KHDRBS1: variants seen among roughly 807,000 people sequenced by gnomAD.
KHDRBS1 encodes KH RNA binding domain containing, signal transduction associated 1.
In KHDRBS1, 7 loss-of-function variants were observed where a neutral mutation model predicts 48.4. The ratio of observed to expected loss-of-function variants is 0.14; its 90% confidence interval spans 0.08 to 0.27. KHDRBS1 has a LOEUF of 0.27. KHDRBS1 is among the 10% of genes least tolerant of loss of function. The pLI is 1.00. For synonymous variants in KHDRBS1, 241 were observed against 235.8 expected, an observed-to-expected ratio of 1.02 and a Z score of -0.20; for missense variants, 458 against 601.2, an observed-to-expected ratio of 0.76 and a Z score of 2.49.
chr1:32,021,510 C>T (rs999610551), intron 1 of KHDRBS1, among the ~76,000 whole-genome samples: 1 of 152,078 alleles, frequency 6.6e-6, no homozygotes, highest in Non-Finnish European at 1.5e-5. Flanking sequence ...TATGGGACTT[C>T]TGATTCCAAA....
intron 2 of KHDRBS1, among the ~76,000 whole-genome samples, chr1:32,030,625 A>G (rs1639063456): frequency 6.6e-6 from 1 of 152,228 alleles, no homozygotes; most frequent in South Asian, 2.1e-4. Flanking sequence ...GGAAGGAAAT[A>G]TAATCATCTT....
At chr1:32,030,472 A>G (rs571661849) in intron 2 of KHDRBS1, 50 bp downstream of exon 2, 8 of 1,534,148 alleles carry the variant, frequency 5.2e-6, no homozygotes, top group Admixed American at 2.0e-5. Context: ...TAGTTATGAG[A>G]GAGTCATGGG....
intron 3 of KHDRBS1, 30 bp downstream of exon 3, chr1:32,031,670 A>G: frequency 3.6e-6 from 5 of 1,376,876 alleles, no homozygotes; most frequent in African/African-American, 1.5e-5. Flanking sequence ...GCAAGAGGAC[A>G]TCCTAATGCC....
At chr1:32,049,913 A>G (rs1639397124) in intron 10 of KHDRBS1, among the ~76,000 whole-genome samples, 1 of 152,078 alleles carries the variant, frequency 6.6e-6, no homozygotes, top group Non-Finnish European at 1.5e-5. Context: ...CACCTGCCTC[A>G]GCCTCCCAAA....
chr1:32,033,405 G>A, intron 4 of KHDRBS1, 71 bp downstream of exon 4: 3 of 1,579,382 alleles, frequency 1.9e-6, no homozygotes, highest in African/African-American at 2.7e-5. Flanking sequence ...TGAAGGTAGG[G>A]GTTCTTAACT....
intron 10 of KHDRBS1, among the ~76,000 whole-genome samples, chr1:32,053,135 A>G (rs571824487): frequency 1.3e-5 from 2 of 152,322 alleles, no homozygotes; most frequent in East Asian, 3.9e-4. Context: ...CTTGGGTGAC[A>G]GCAAGACTCT....
chr1:32,032,264 A>G (rs1199270493), intron 3 of KHDRBS1, among the ~76,000 whole-genome samples: 8 of 152,172 alleles, frequency 5.3e-5, no homozygotes. Flanking sequence ...ACCTTATTTG[A>G]TGAGATATTC....
At position 32,013,929 on chromosome 1, in the gene KHDRBS1, A is replaced by C; in HGVS notation, c.-67A>C. On this transcript the variant is annotated 5_prime_UTR_variant, in exon 1 of 9. Transcript: ENST00000327300. ...CCGCTCCCGCTCTGCCACCCCCGCC[A>C]ACCGCCGCTCGGGCCTCCGTCGCTG... The C allele has an allele frequency of 4.5e-6, 6 of 1,339,862 alleles. No homozygotes were observed. Among genetic ancestry groups the C allele is most frequent in the Non-Finnish European group, 5.7e-6 (6 of 1,045,748 alleles). The allele number at this position is 1,339,862 out of a possible 1,614,324, so 83.0% of individuals were successfully genotyped here. A position where few individuals can be genotyped will look rare whatever the true frequency, so the allele number is the denominator to read the frequency against.
intron 4 of KHDRBS1, among the ~76,000 whole-genome samples, chr1:32,033,963 C>T (rs928883066): frequency 1.3e-5 from 2 of 152,134 alleles, no homozygotes; most frequent in African/African-American, 2.4e-5. Context: ...TTGCTTGTTA[C>T]CACCTTTGAA....
intron 10 of KHDRBS1, among the ~76,000 whole-genome samples, chr1:32,056,047 G>A (rs1407938633): frequency 6.6e-6 from 1 of 152,172 alleles, no homozygotes; most frequent in Non-Finnish European, 1.5e-5. Context: ...GTATCTGGAA[G>A]GGATGTGAAT....
intron 10 of KHDRBS1, among the ~76,000 whole-genome samples, chr1:32,057,298 G>A (rs1233622157): frequency 6.6e-6 from 1 of 152,042 alleles, no homozygotes; most frequent in African/African-American, 2.4e-5. Flanking sequence ...CTCCACCTCA[G>A]CCTCCCAAGT....
In KHDRBS1 at chr1:32,013,946, C is replaced by T. The variant is rs1460713421; in HGVS notation, c.-50C>T. The T allele has an allele frequency of 5.0e-6, 7 of 1,387,060 alleles. No individual in the cohort carries two copies. The highest frequency in any genetic ancestry group is 3.0e-5 in the African/African-American group (2 of 65,958). 85.9% of individuals were successfully genotyped at this position (1,387,060 alleles called of 1,614,324 possible). A position where few individuals can be genotyped will look rare whatever the true frequency, so the allele number is the denominator to read the frequency against. ...CCCCCGCCAACCGCCGCTCGGGCCT[C>T]CGTCGCTGCCGCGTCGCTTTCTCGC... On this transcript the variant is annotated 5_prime_UTR_variant, in exon 1 of 9. Transcript: ENST00000327300.
At chr1:32,050,899 A>AT (rs56993618) in intron 10 of KHDRBS1, among the ~76,000 whole-genome samples, 14 of 142,192 alleles carry the variant, frequency 9.8e-5, no homozygotes, top group South Asian at 6.7e-4. Context: ...TCAAATTATT[A>AT]TTTTTTTTTG....
intron 10 of KHDRBS1, among the ~76,000 whole-genome samples, chr1:32,050,595 C>G (rs937475506): frequency 6.6e-6 from 1 of 151,960 alleles, no homozygotes; most frequent in Non-Finnish European, 1.5e-5. Context: ...TCACTGCAAC[C>G]TCCAGCTCCC....
At chr1:32,033,903 A>G (rs752242102) in intron 4 of KHDRBS1, among the ~76,000 whole-genome samples, 1 of 152,238 alleles carries the variant, frequency 6.6e-6, no homozygotes, top group Non-Finnish European at 1.5e-5. Flanking sequence ...AGCTTTTTTC[A>G]GACTATTACT....
chr1:32,036,996 G>A lies in KHDRBS1; in HGVS notation c.858G>A (p.Val286=), dbSNP rs1414470926. Residue 286 remains valine (V), a synonymous_variant, in exon 5 of 9, where the codon GTG becomes GTA. Transcript: ENST00000327300. ...CTGAACCCTCTCGTGGACGTGGGGT[G>A]CCAGTGAGAGGCCGGGGAGCTGCAC... ...GVPEPSRGRG[V]PVRGRGAAPP... is the part of the protein sequence containing the mutation. 6.8e-6 allele frequency: 11 copies of A among 1,614,006 alleles called. No individual in the cohort carries two copies. The highest frequency in any genetic ancestry group is 9.3e-6 in the Non-Finnish European group (11 of 1,180,026).
At chr1:32,037,077 T>C (rs1158886851) in intron 5 of KHDRBS1, 34 bp downstream of exon 5, 1 of 1,607,532 alleles carries the variant, frequency 6.2e-7, no homozygotes. Context: ...AAATAGGATG[T>C]GAATTTGACT....
Position 32,036,927 on chromosome 1 carries a change from C to T in KHDRBS1, c.789C>T (p.Ile263=). 1 of 1,613,560 alleles carries T rather than the reference C, an allele frequency of 6.2e-7. No individual in the cohort carries two copies. Among genetic ancestry groups the T allele is most frequent in the Non-Finnish European group, 8.5e-7 (1 of 1,179,698 alleles). The change falls in exon 5 of 9, where the codon ATC becomes ATT. Residue 263 remains isoleucine, a synonymous_variant. Coordinates refer to ENST00000327300, the MANE Select transcript of KHDRBS1 (RefSeq NM_006559.3). The part of the protein sequence containing the change: ...KFLVPDMMDD[I]CQEQFLELSY... The stretch of plus-strand genomic sequence containing the variant: ...GTTCCCAGGATATGATGGATGATAT[C>T]TGTCAGGAGCAATTTCTAGAGCTGT...
intron 1 of KHDRBS1, among the ~76,000 whole-genome samples, chr1:32,019,091 C>G (rs560553605): frequency 6.6e-6 from 1 of 152,054 alleles, no homozygotes; most frequent in South Asian, 2.1e-4. Flanking sequence ...GAGCGAGACT[C>G]TGTCTTAAAA....
Sources: gnomAD v4.1 joint callset for allele counts (sites outside exome capture counted in the v4.1 genomes callset) on GRCh38, gnomAD v4.1.1 for gene constraint, MANE v1.5 for transcripts, NCBI Gene and HGNC (gene_info 2026-07-23, HGNC 2026-07-21) for gene names.